The following MYT1L variants were observed in gnomAD, a reference collection of about 807,000 sequenced individuals.
MYT1L encodes the protein myelin transcription factor 1 like.
Under a neutral mutation model 126.7 loss-of-function variants are expected in MYT1L, and 12 were observed. The observed-to-expected ratio is 0.09, with a 90% CI of 0.06 to 0.15. The LOEUF is 0.15. Ranked by LOEUF, MYT1L falls within the 10% of genes least tolerant of loss-of-function variation. The pLI is 1.00. For missense variants in MYT1L, 979 were observed against 1,585.2 expected (o/e 0.62, Z 6.49); for synonymous variants, 541 against 604.2 (o/e 0.90, Z 1.53).
At chr2:2,240,280 C>A (rs187453585) in intron 2 of MYT1L, among the ~76,000 whole-genome samples, 38 of 151,810 alleles carry the variant, frequency 2.5e-4, no homozygotes, top group African/African-American at 9.2e-4. Context: ...GCAAAAAGAG[C>A]GAAACTCCGT....
At chr2:2,047,106 T>C (rs1227925946) in intron 4 of MYT1L, among the ~76,000 whole-genome samples, 1 of 152,264 alleles carries the variant, frequency 6.6e-6, no homozygotes, top group Non-Finnish European at 1.5e-5. Context: ...ATTTCTTATT[T>C]ATTAGTACAA....
chr2:2,198,243 G>A lies in MYT1L; in HGVS notation c.-420-25255C>T, dbSNP rs562964475. On this transcript the variant is annotated intron_variant, in intron 2 of 24. Transcript: ENST00000647738. ...TTCATAGAGAGCAAAGAATAGAACA[G>A]TGGTTACCAGAGACTAGGAAGGGGC... is the stretch of plus-strand genomic sequence containing the variant. 2.0e-5 allele frequency among the ~76,000 whole-genome samples: 3 copies of A among 152,232 alleles called. No homozygotes were observed. The South Asian group carries it at 6.2e-4, about 32-fold the overall frequency.
At chr2:2,162,664 C>A (rs1015252918) in intron 3 of MYT1L, among the ~76,000 whole-genome samples, 1 of 152,196 alleles carries the variant, frequency 6.6e-6, no homozygotes, top group Non-Finnish European at 1.5e-5. Flanking sequence ...GACTCAGATT[C>A]CGCAGGGCAG....
At chr2:2,154,117 A>G (rs551246901) in intron 3 of MYT1L, among the ~76,000 whole-genome samples, 3 of 152,172 alleles carry the variant, frequency 2.0e-5, no homozygotes, top group Admixed American at 6.5e-5. Context: ...GATTGGTGAC[A>G]CTTCCGCCTG....
chr2:1,829,912 T>C (rs567036276), intron 21 of MYT1L, among the ~76,000 whole-genome samples: 1 of 152,308 alleles, frequency 6.6e-6, no homozygotes, highest in Non-Finnish European at 1.5e-5. Flanking sequence ...CATGGCTGCT[T>C]CCTGTTTCAA....
At chr2:1,838,911 G>A (rs746987547) in intron 21 of MYT1L, among the ~76,000 whole-genome samples, 1 of 152,210 alleles carries the variant, frequency 6.6e-6, no homozygotes, top group African/African-American at 2.4e-5. Flanking sequence ...ACGGAAAACT[G>A]CTGTGGTCAT....
At chr2:2,274,102 C>T (rs1471686722) in intron 2 of MYT1L, among the ~76,000 whole-genome samples, 1 of 151,928 alleles carries the variant, frequency 6.6e-6, no homozygotes, top group Non-Finnish European at 1.5e-5. Flanking sequence ...TTATAATTAA[C>T]AATAATTACT....
intron 2 of MYT1L, among the ~76,000 whole-genome samples, chr2:2,200,383 T>C (rs1277931162): frequency 6.6e-6 from 1 of 152,196 alleles, no homozygotes; most frequent in Non-Finnish European, 1.5e-5. Flanking sequence ...AAGGAACCTC[T>C]GTGTCCATGC....
intron 8 of MYT1L, among the ~76,000 whole-genome samples, chr2:1,959,489 T>C (rs186938124): frequency 6.6e-6 from 1 of 152,208 alleles, no homozygotes; most frequent in East Asian, 1.9e-4. Flanking sequence ...TTGGCTGGCA[T>C]GGATTTGTGG....
At chr2:2,275,831 A>G (rs572478891) in intron 2 of MYT1L, among the ~76,000 whole-genome samples, 1 of 151,892 alleles carries the variant, frequency 6.6e-6, no homozygotes, top group South Asian at 2.1e-4. Flanking sequence ...CACATAACCA[A>G]CCTATTCTTT....
At chr2:1,949,568 A>G (rs1036792415) in intron 8 of MYT1L, among the ~76,000 whole-genome samples, 3 of 152,224 alleles carry the variant, frequency 2.0e-5, no homozygotes, top group Non-Finnish European at 4.4e-5. Flanking sequence ...CACATACAAC[A>G]TTATGTAGTG....
intron 3 of MYT1L, among the ~76,000 whole-genome samples, chr2:2,098,324 G>A (rs1225893580): frequency 6.6e-6 from 1 of 152,206 alleles, no homozygotes; most frequent in African/African-American, 2.4e-5. Context: ...GCTTTTTAAA[G>A]GGTCTGAACA....
chr2:1,953,090 G>C (rs893542925), intron 8 of MYT1L, among the ~76,000 whole-genome samples: 10 of 151,036 alleles, frequency 6.6e-5, no homozygotes, highest in African/African-American at 2.0e-4. Context: ...AGCCTACAGA[G>C]TAGCTAGGAC....
chr2:1,829,113 G>C (rs567141757), intron 21 of MYT1L, among the ~76,000 whole-genome samples: 8 of 152,228 alleles, frequency 5.3e-5, no homozygotes, highest in South Asian at 2.1e-4. Flanking sequence ...CCAGCGCTTG[G>C]TGAGGATCTC....
At chr2:1,861,997 A>ATCTGCCTGCAGCCTCTGTAATCCTGG (rs1558192114) in intron 18 of MYT1L, among the ~76,000 whole-genome samples, 1 of 151,374 alleles carries the variant, frequency 6.6e-6, no homozygotes, top group Non-Finnish European at 1.5e-5. Context: ...GTAATCCTGG[A>ATCTGCCTGCAGCCTCTGTAATCCTGG]ATTCGCTGAG....
At chr2:1,843,395 T>TTACGGTATCCTACCCAGGGAGAGTTAC (rs1331152940) in intron 19 of MYT1L, among the ~76,000 whole-genome samples, 1 of 152,134 alleles carries the variant, frequency 6.6e-6, no homozygotes, top group Admixed American at 6.5e-5. Context: ...AAGGGGGGAA[T>TTACGGTATCCTACCCAGGGAGAGTTAC]TACGGTATCC....
At chr2:2,193,386 GA>G (rs1417663967) in intron 2 of MYT1L, among the ~76,000 whole-genome samples, 2 of 152,198 alleles carry the variant, frequency 1.3e-5, no homozygotes, top group African/African-American at 4.8e-5. Context: ...ATGAATCACA[GA>G]AATGCTTAAG....
Position 1,979,116 on chromosome 2 carries a change from A to G in MYT1L, c.152+49T>C, listed in dbSNP as rs2060401122. On this transcript the variant is annotated intron_variant, in intron 8 of 24. Coordinates refer to ENST00000647738, the MANE Select transcript of MYT1L (RefSeq NM_001303052.2). This position sits in a 1 kb window ranked among gnomAD's most constrained non-coding sequence, Gnocchi z 4.0. ...TTCATCATCAGGACTGGGTCCCCAA[A>G]TAAGTCACTTTAGACAGCACATTGT... 2.0e-6 allele frequency: 3 copies of G among 1,513,054 alleles called. No individual in the cohort carries two copies. The highest frequency in any genetic ancestry group is 1.4e-5 in the African/African-American group (1 of 72,328). 93.7% of individuals were successfully genotyped at this position (1,513,054 alleles called of 1,614,324 possible).
chr2:2,144,215 C>T (rs1464483580), intron 3 of MYT1L, among the ~76,000 whole-genome samples: 1 of 152,036 alleles, frequency 6.6e-6, no homozygotes, highest in African/African-American at 2.4e-5. Flanking sequence ...AGGTTTTGTC[C>T]CCCTCCCTCC....
Sources: gnomAD v4.1 joint callset for allele counts (sites outside exome capture counted in the v4.1 genomes callset) on GRCh38, gnomAD v4.1.1 for gene constraint, Gnocchi (gnomAD v3.1) non-coding constraint, MANE v1.5 for transcripts, NCBI Gene and HGNC (gene_info 2026-07-23, HGNC 2026-07-21) for gene names.